Variants in TNFSF10 observed in about 807,000 individuals in gnomAD.
The protein encoded by TNFSF10 is TNF superfamily member 10.
In TNFSF10, 13 loss-of-function variants were observed where a neutral mutation model predicts 29.5. That is an observed-to-expected ratio of 0.44 (90% confidence interval 0.29 to 0.70). The LOEUF is 0.70. Among genes scored for constraint, TNFSF10 ranks in the 30% least tolerant of loss-of-function variants. The probability of loss-of-function intolerance (pLI) is 0.13; values close to 1 mark genes in which losing one functional copy is unlikely to be tolerated. For missense variants in TNFSF10, 345 were observed against 330.9 expected, an observed-to-expected ratio of 1.04 and a Z score of -0.33; for synonymous variants, 111 against 112.8, an observed-to-expected ratio of 0.98 and a Z score of 0.10.
chr3:172,520,079 G>A (rs1713616965), intron 1 of TNFSF10, among the ~76,000 whole-genome samples: 1 of 152,114 alleles, frequency 6.6e-6, no homozygotes, highest in African/African-American at 2.4e-5. Context: ...GTGGGGGGAG[G>A]ATCTGACGTT....
intron 1 of TNFSF10, chr3:172,518,000 T>C: frequency 1.0e-6 from 1 of 986,424 alleles, no homozygotes; most frequent in Non-Finnish European, 1.2e-6. Flanking sequence ...TGGCCAATGC[T>C]GGTGACTAGA....
intron 2 of TNFSF10, among the ~76,000 whole-genome samples, chr3:172,514,158 A>G (rs1311161279): frequency 1.3e-5 from 2 of 152,210 alleles, no homozygotes; most frequent in East Asian, 1.9e-4. Context: ...ATTTAATGCC[A>G]TCTTATAAAG....
At chr3:172,522,887 A>G (rs568306893) in intron 1 of TNFSF10, among the ~76,000 whole-genome samples, 1 of 152,060 alleles carries the variant, frequency 6.6e-6, no homozygotes, top group Admixed American at 6.5e-5. Flanking sequence ...GTGCACAAAT[A>G]AAAGTTTGGA....
chr3:172,517,928 C>T, intron 1 of TNFSF10: 1 of 985,420 alleles, frequency 1.0e-6, no homozygotes, highest in Non-Finnish European at 1.2e-6. Context: ...AAGCCCCAGT[C>T]ACTCTCTCCA....
intron 1 of TNFSF10, among the ~76,000 whole-genome samples, chr3:172,516,050 C>T (rs1295790270): frequency 2.0e-5 from 3 of 152,100 alleles, no homozygotes; most frequent in Non-Finnish European, 4.4e-5. Flanking sequence ...ATCACAAAGT[C>T]AGGAGATCGA....
intron 1 of TNFSF10, chr3:172,522,496 C>G (rs1331759824): frequency 2.9e-6 from 3 of 1,037,524 alleles, no homozygotes; most frequent in Non-Finnish European, 4.4e-6. Context: ...CCTTTTAAAA[C>G]CTGCTGCACA....
chr3:172,509,367 T>C, intron 3 of TNFSF10, 46 bp from the exon 4 acceptor site: 1 of 1,487,092 alleles, frequency 6.7e-7, no homozygotes, highest in Non-Finnish European at 9.3e-7. Context: ...CCAAACTAGT[T>C]CTCCAATACC....
At position 172,506,282 on chromosome 3, in the gene TNFSF10, A is replaced by C. The variant is rs903779070; in HGVS notation, c.*210T>G. The C allele has an allele frequency of 1.9e-6, 1 of 519,730 alleles. No homozygotes were observed. Among genetic ancestry groups the C allele is most frequent in the African/African-American group, 2.0e-5 (1 of 50,214 alleles). The allele number at this position is 519,730 out of a possible 1,614,324, so 32.2% of individuals were successfully genotyped here. A position where few individuals can be genotyped will look rare whatever the true frequency, so the allele number is the denominator to read the frequency against. On this transcript the variant is annotated 3_prime_UTR_variant, in exon 5 of 5. Transcript: ENST00000241261. ...TCCTGAAAGATCTTTCAGCAATTTC[A>C]TTCTCTTGGGATAAGTGAGTCACTT...
chr3:172,516,824 CAGAAATATG>C (rs1284963395), intron 1 of TNFSF10, among the ~76,000 whole-genome samples: 2 of 152,066 alleles, frequency 1.3e-5, no homozygotes, highest in Non-Finnish European at 2.9e-5. Context: ...ACATATGATT[CAGAAATATG>C]AGAGCATGTC....
In TNFSF10 at chr3:172,518,183, G is replaced by A. The variant is rs144298011; in HGVS notation, c.133-3185C>T. On this transcript the variant is annotated intron_variant, in intron 1 of 4. Coordinates refer to ENST00000241261, the MANE Select transcript of TNFSF10 (RefSeq NM_003810.4). ...CCACACTTGGGCATTGGGGGCAGAA[G>A]GTAGCGTGTGGGGATTATTTTCATT... 17 of 1,108,392 alleles carry A rather than the reference G, an allele frequency of 1.5e-5. No homozygotes were observed. The African/African-American group carries it at 2.1e-4, about 14-fold the overall frequency. The allele number at this position is 1,108,392 out of a possible 1,614,324, so 68.7% of individuals were successfully genotyped here.
intron 2 of TNFSF10, among the ~76,000 whole-genome samples, chr3:172,512,158 A>G (rs1000560549): frequency 6.6e-6 from 1 of 152,216 alleles, no homozygotes; most frequent in Non-Finnish European, 1.5e-5. Flanking sequence ...CAGGATGCCC[A>G]CAGACATACA....
rs1041578291 is a variant in TNFSF10 at position 172,505,964 on chromosome 3, A to T, written c.*528T>A. 6.6e-6 allele frequency: 1 copy of T among 152,656 alleles called. No homozygotes were observed. Among genetic ancestry groups the T allele is most frequent in the African/African-American group, 2.4e-5 (1 of 41,432 alleles). The allele number at this position is 152,656 out of a possible 1,614,324, so 9.5% of individuals were successfully genotyped here. Reference sequence around the variant, plus strand: ...ATGGTCTTGATCTCTTGATCTCGTGATCTACCCACCTTGGGTTCCCAAAAT... The same window carrying T: ...ATGGTCTTGATCTCTTGATCTCGTGTTCTACCCACCTTGGGTTCCCAAAAT... On this transcript the variant is annotated 3_prime_UTR_variant, in exon 5 of 5. Transcript: ENST00000241261.
At chr3:172,517,695 T>C in intron 1 of TNFSF10, 5 of 985,180 alleles carry the variant, frequency 5.1e-6, no homozygotes, top group Non-Finnish European at 6.0e-6. Context: ...TAAGACTATA[T>C]AAAAATGCTG....
chr3:172,508,658 G>A (rs1713092463), intron 4 of TNFSF10, among the ~76,000 whole-genome samples: 1 of 152,194 alleles, frequency 6.6e-6, no homozygotes, highest in Non-Finnish European at 1.5e-5. Context: ...GGGAGGCCGA[G>A]GTGGGCGGAT....
chr3:172,514,799 C>T (rs928083666), intron 2 of TNFSF10, 62 bp downstream of exon 2: 1 of 1,581,092 alleles, frequency 6.3e-7, no homozygotes. Context: ...GATTCCTTTG[C>T]TTTAAGGAAT....
Position 172,512,440 on chromosome 3 carries a change from G to GC in TNFSF10, c.271-782dup, listed in dbSNP as rs1713264462. Among the ~76,000 whole-genome samples the GC allele has an allele frequency of 3.3e-5, 5 of 152,206 alleles. 1 individual carries two copies. In the South Asian group the frequency reaches 1.0e-3, roughly 32 times the overall value. On this transcript the variant is annotated intron_variant, in intron 2 of 4. Coordinates refer to ENST00000241261, the MANE Select transcript of TNFSF10 (RefSeq NM_003810.4). ...CCTCCTGCCACCTTCTCCCATCACT[G>GC]CCCTCTTTCTCAGTCACTGTAGTTA... is the stretch of plus-strand genomic sequence containing the variant.
Position 172,517,513 on chromosome 3 carries a change from GA to G in TNFSF10, c.133-2516del, listed in dbSNP as rs1411258134. 158 of 879,360 alleles carry G rather than the reference GA, an allele frequency of 1.8e-4. No individual in the cohort carries two copies. In the East Asian group the frequency reaches 1.9e-3, roughly 11 times the overall value. 54.5% of individuals were successfully genotyped at this position (879,360 alleles called of 1,614,324 possible). ...AAAAGTAAAGAACACTTTTCTAAAA[GA>G]AAAAAAAAACCCTCCAAAAACTAAA... is the stretch of plus-strand genomic sequence containing the variant. On this transcript the variant is annotated intron_variant, in intron 1 of 4. Transcript: ENST00000241261.
At chr3:172,519,541 C>T (rs910756125) in intron 1 of TNFSF10, among the ~76,000 whole-genome samples, 4 of 152,128 alleles carry the variant, frequency 2.6e-5, no homozygotes, top group Admixed American at 1.3e-4. Flanking sequence ...TCCAGTCTCT[C>T]GTGTAGACTT....
intron 1 of TNFSF10, among the ~76,000 whole-genome samples, chr3:172,515,652 C>G (rs1713397296): frequency 6.6e-6 from 1 of 152,072 alleles, no homozygotes; most frequent in Non-Finnish European, 1.5e-5. Flanking sequence ...CTTAAACACT[C>G]TTTGAAGGTT....
Sources: allele counts gnomAD v4.1 joint callset (sites outside exome capture counted in the v4.1 genomes callset), GRCh38; gene constraint gnomAD v4.1.1; transcripts MANE v1.5; gene names NCBI Gene and HGNC (gene_info 2026-07-23, HGNC 2026-07-21).